The following RAPGEF4 variants were observed in gnomAD, a reference collection of about 807,000 sequenced individuals.
RAPGEF4 encodes RAP guanine-nucleotide-exchange factor (GEF) 4.
RAPGEF4 carries 66 observed loss-of-function variants against 147.9 expected under a neutral mutation model. The ratio of observed to expected loss-of-function variants is 0.45; its 90% CI spans 0.37 to 0.55. The LOEUF (loss-of-function observed/expected upper bound fraction) is 0.55, where lower values mean the gene tolerates loss of function less well. RAPGEF4 is among the 20% of genes least tolerant of loss of function. The pLI is 0.00. For missense variants in RAPGEF4, 1,071 were observed against 1,257.3 expected (o/e 0.85, Z 2.24); for synonymous variants, 419 against 442.7 (o/e 0.95, Z 0.67).
At chr2:173,038,122 T>C (rs1450766530) in intron 29 of RAPGEF4, among the ~76,000 whole-genome samples, 4 of 152,216 alleles carry the variant, frequency 2.6e-5, no homozygotes, top group Non-Finnish European at 5.9e-5. Context: ...ATGGCAAGTA[T>C]GTCCTCAGCA....
At chr2:172,955,245 C>T (rs114374727) in intron 6 of RAPGEF4, among the ~76,000 whole-genome samples, 49 of 152,292 alleles carry the variant, frequency 3.2e-4, no homozygotes, top group African/African-American at 1.1e-3. Context: ...AGTTATTGTG[C>T]ATCTTGTAAT....
chr2:172,742,398 T>G (rs1559016963), intron 1 of RAPGEF4, among the ~76,000 whole-genome samples: 1 of 152,192 alleles, frequency 6.6e-6, no homozygotes, highest in Admixed American at 6.5e-5. Flanking sequence ...CAGTCTGAAT[T>G]TTCATTGTAC....
At chr2:172,766,438 G>A (rs1005698989) in intron 1 of RAPGEF4, among the ~76,000 whole-genome samples, 1 of 152,080 alleles carries the variant, frequency 6.6e-6, no homozygotes, top group Non-Finnish European at 1.5e-5. Context: ...CATAGTCCCA[G>A]CTACTCGGGA....
Position 172,985,429 on chromosome 2 carries a change from C to T in RAPGEF4, c.1090-4C>T, listed in dbSNP as rs375812520. The T allele has an allele frequency of 1.7e-5, 28 of 1,613,870 alleles. No individual in the cohort carries two copies. The highest frequency in any genetic ancestry group is 2.2e-5 in the Non-Finnish European group (26 of 1,179,914). ...TTTGCATGTTTCTTCTGTTTTTCTT[C>T]TAGGTGAAACGAGAGTTAGCAGGTG... is the stretch of plus-strand genomic sequence containing the variant. On this transcript the variant is annotated splice_polypyrimidine_tract_variant and splice_region_variant and intron_variant, in intron 11 of 30. Transcript: ENST00000397081.
At chr2:172,920,172 G>C (rs67492029) in intron 5 of RAPGEF4, among the ~76,000 whole-genome samples, 7 of 152,092 alleles carry the variant, frequency 4.6e-5, no homozygotes, top group East Asian at 1.9e-4. Flanking sequence ...GATGTCAATA[G>C]TTTAATACTT....
rs11894771 is a variant in RAPGEF4, at chr2:173,024,310, C to T, written c.2254-2262C>T. Among the ~76,000 whole-genome samples the T allele has an allele frequency of 6.2e-3, 879 of 142,544 alleles. 18 individuals carry two copies. Among genetic ancestry groups the T allele is most frequent in the African/African-American group, 0.02 (822 of 40,518 alleles). The allele number at this position is 142,544 out of a possible 152,430, so 93.5% of individuals were successfully genotyped here. On this transcript the variant is annotated intron_variant, in intron 23 of 30. Transcript: ENST00000397081. Reference sequence around the variant, plus strand: ...TCGGCTCACTGCAAGCTCCGCCTCCCGGGTTCACGCCATTCTCCTGCCTCA... The same window carrying T: ...TCGGCTCACTGCAAGCTCCGCCTCCTGGGTTCACGCCATTCTCCTGCCTCA...
chr2:172,818,164 A>G (rs1474008579), intron 4 of RAPGEF4, among the ~76,000 whole-genome samples: 2 of 151,664 alleles, frequency 1.3e-5, no homozygotes, highest in East Asian at 3.9e-4. Context: ...GAATGACACA[A>G]TGGACTTTGG....
At chr2:172,781,267 C>T (rs80260100) in intron 1 of RAPGEF4, among the ~76,000 whole-genome samples, 54 of 152,252 alleles carry the variant, frequency 3.5e-4, no homozygotes, top group Middle Eastern at 6.8e-3. Context: ...GCCCTTCTGG[C>T]AGGCTGGGAA....
intron 4 of RAPGEF4, among the ~76,000 whole-genome samples, chr2:172,880,413 T>G (rs1342953612): frequency 2.0e-5 from 3 of 152,252 alleles, no homozygotes; most frequent in African/African-American, 7.2e-5. Flanking sequence ...CATGTCAGTC[T>G]TCTTCTTTAC....
chr2:172,903,856 G>T (rs1164702904), intron 4 of RAPGEF4, among the ~76,000 whole-genome samples: 1 of 152,234 alleles, frequency 6.6e-6, no homozygotes, highest in Non-Finnish European at 1.5e-5. Context: ...GACAAAGCCA[G>T]AAGGGATGCC....
At chr2:172,736,108 A>G (rs1400399069) in intron 1 of RAPGEF4, 60 bp downstream of exon 1, 2 of 1,324,384 alleles carry the variant, frequency 1.5e-6, no homozygotes, top group South Asian at 1.7e-5. Context: ...GGGCCCTGAG[A>G]CCGCCGCAGC....
At position 172,914,319 on chromosome 2, in the gene RAPGEF4, A is replaced by AT. The variant is rs573065663; in HGVS notation, c.445-3451dup. Among the ~76,000 whole-genome samples the AT allele has an allele frequency of 1.8e-3, 114 of 62,450 alleles. 6 individuals are homozygous for AT. The highest frequency in any genetic ancestry group is 9.3e-3 in the South Asian group (13 of 1,404). 41.0% of individuals were successfully genotyped at this position (62,450 alleles called of 152,430 possible). On this transcript the variant is annotated intron_variant, in intron 4 of 30. Coordinates refer to ENST00000397081, the MANE Select transcript of RAPGEF4 (RefSeq NM_007023.4). The stretch of plus-strand genomic sequence containing the variant: ...CCTAGCTCAGTCAAAGGAAATATGC[A>AT]TTTTTTTTTTTTTTTTTTTTTTTTT...
chr2:172,842,020 AC>A (rs1472575747), intron 4 of RAPGEF4, among the ~76,000 whole-genome samples: 1 of 152,138 alleles, frequency 6.6e-6, no homozygotes, highest in Non-Finnish European at 1.5e-5. Context: ...TTTATTCAGG[AC>A]CTACTGTGCA....
At chr2:172,789,278 T>C (rs1685561443) in intron 1 of RAPGEF4, among the ~76,000 whole-genome samples, 1 of 152,220 alleles carries the variant, frequency 6.6e-6, no homozygotes, top group Non-Finnish European at 1.5e-5. Flanking sequence ...CCATACAGCA[T>C]AACATAATCA....
intron 4 of RAPGEF4, among the ~76,000 whole-genome samples, chr2:172,892,058 G>T (rs544600203): frequency 1.3e-5 from 2 of 152,244 alleles, no homozygotes; most frequent in Admixed American, 1.3e-4. Flanking sequence ...AATGAAAATG[G>T]ATGAATGGCA....
intron 15 of RAPGEF4, among the ~76,000 whole-genome samples, chr2:172,993,248 G>A (rs561282791): frequency 1.3e-5 from 2 of 152,248 alleles, no homozygotes; most frequent in South Asian, 2.1e-4. Flanking sequence ...AAATTCCATG[G>A]AGCCCTTAGT....
At chr2:172,780,687 C>T (rs1290583629) in intron 1 of RAPGEF4, among the ~76,000 whole-genome samples, 1 of 152,062 alleles carries the variant, frequency 6.6e-6, no homozygotes, top group Non-Finnish European at 1.5e-5. Flanking sequence ...ATAGCGCTAT[C>T]TCATTTTTTC....
intron 10 of RAPGEF4, among the ~76,000 whole-genome samples, chr2:172,974,360 G>T (rs545212650): frequency 1.3e-5 from 2 of 152,156 alleles, no homozygotes; most frequent in Admixed American, 1.3e-4. Context: ...GCATTGGAAA[G>T]GAAAGGTGTC....
At chr2:172,768,340 A>G (rs933325000) in intron 1 of RAPGEF4, among the ~76,000 whole-genome samples, 2 of 152,138 alleles carry the variant, frequency 1.3e-5, no homozygotes, top group Non-Finnish European at 1.5e-5. Flanking sequence ...AAAAAACCTT[A>G]ATTTTGCTTG....
Sources: allele counts gnomAD v4.1 joint callset (sites outside exome capture counted in the v4.1 genomes callset), GRCh38; gene constraint gnomAD v4.1.1; transcripts MANE v1.5; gene names NCBI Gene and HGNC (gene_info 2026-07-23, HGNC 2026-07-21).